DACH1: variants seen among roughly 807,000 people sequenced by gnomAD.
DACH1 encodes dachshund family transcription factor 1.
A neutral mutation model predicts 54.2 loss-of-function variants in DACH1; 12 were observed. That is an observed-to-expected ratio of 0.22 (90% CI 0.14 to 0.36). DACH1 has a LOEUF of 0.36. DACH1 is among the 10% of genes least tolerant of loss of function. The pLI, the probability that DACH1 is intolerant of heterozygous loss-of-function variation, is 1.00. For missense variants in DACH1, 805 were observed against 929.8 expected (o/e 0.87, Z 1.75); for synonymous variants, 386 against 366.2 (o/e 1.05, Z -0.62).
In DACH1 at chr13:71,523,916, TTA is replaced by T. The variant is rs747951806; in HGVS notation, c.1570+33106_1570+33107del. ...TTTTACCATATGCAGTATGTGAAAA[TTA>T]TATGTTACCACAGTGCATGTCAAAT... is the stretch of plus-strand genomic sequence containing the variant. On this transcript the variant is annotated intron_variant, in intron 6 of 10. Transcript: ENST00000613252. Among the ~76,000 whole-genome samples the T allele has an allele frequency of 6.6e-5, 10 of 152,256 alleles. No individual in the cohort carries two copies. In the South Asian group the frequency reaches 8.3e-4, roughly 13 times the overall value.
intron 1 of DACH1, among the ~76,000 whole-genome samples, chr13:71,817,095 G>A (rs772378950): frequency 2.6e-5 from 4 of 151,932 alleles, no homozygotes; most frequent in African/African-American, 7.3e-5. Context: ...GGAAGCATAC[G>A]TCTACAAAAA....
At chr13:71,752,727 AATTC>A (rs1884983110) in intron 1 of DACH1, among the ~76,000 whole-genome samples, 1 of 152,214 alleles carries the variant, frequency 6.6e-6, no homozygotes, top group African/African-American at 2.4e-5. Flanking sequence ...AAACAAAAAT[AATTC>A]ATTCAAACTC....
intron 10 of DACH1, among the ~76,000 whole-genome samples, chr13:71,470,597 G>T (rs1876988648): frequency 6.6e-6 from 1 of 152,084 alleles, no homozygotes; most frequent in South Asian, 2.1e-4. Flanking sequence ...AAAGTGCTGG[G>T]ATTACAGTTG....
chr13:71,771,315 GGATAAATA>G (rs1274798153), intron 1 of DACH1, among the ~76,000 whole-genome samples: 1,567 of 140,918 alleles, frequency 0.011, 12 homozygotes, highest in East Asian at 0.029. Flanking sequence ...AGAAGCAAAA[GGATAAATA>G]AATAAATAAA....
At chr13:71,839,498 T>C (rs1193581329) in intron 1 of DACH1, among the ~76,000 whole-genome samples, 1 of 152,052 alleles carries the variant, frequency 6.6e-6, no homozygotes, top group Non-Finnish European at 1.5e-5. Context: ...TCCCAGCTAC[T>C]CGGGAGGTTG....
intron 2 of DACH1, among the ~76,000 whole-genome samples, chr13:71,672,430 T>C (rs1566422341): frequency 6.6e-6 from 1 of 152,096 alleles, no homozygotes; most frequent in Non-Finnish European, 1.5e-5. Context: ...TTTACATCTT[T>C]ACAAAGGACA....
intron 1 of DACH1, among the ~76,000 whole-genome samples, chr13:71,731,872 AG>A (rs1311413835): frequency 6.6e-6 from 1 of 152,192 alleles, no homozygotes; most frequent in East Asian, 1.9e-4. Context: ...TATAGTTCCA[AG>A]GGTTCTTCTG....
intron 2 of DACH1, among the ~76,000 whole-genome samples, chr13:71,631,258 C>A (rs959866966): frequency 6.6e-6 from 1 of 152,186 alleles, no homozygotes; most frequent in African/African-American, 2.4e-5. Context: ...TGCCCTATGA[C>A]AAACATTTCC....
intron 1 of DACH1, among the ~76,000 whole-genome samples, chr13:71,768,497 A>G (rs536860401): frequency 6.6e-6 from 1 of 151,956 alleles, no homozygotes; most frequent in South Asian, 2.1e-4. Context: ...AACAAATGTG[A>G]CTGGAAAAAA....
At chr13:71,707,535 G>A (rs1296780339) in intron 1 of DACH1, among the ~76,000 whole-genome samples, 1 of 152,072 alleles carries the variant, frequency 6.6e-6, no homozygotes, top group Admixed American at 6.6e-5. Flanking sequence ...AGTAAGGAGA[G>A]GCAAATAATC....
chr13:71,560,005 G>T, intron 4 of DACH1, 50 bp from the exon 5 acceptor site: 2 of 1,427,858 alleles, frequency 1.4e-6, no homozygotes, highest in South Asian at 3.1e-5. Context: ...TAAATACAAC[G>T]GATCTTTACT....
At chr13:71,835,666 C>T (rs1295165496) in intron 1 of DACH1, among the ~76,000 whole-genome samples, 1 of 151,978 alleles carries the variant, frequency 6.6e-6, no homozygotes, top group Non-Finnish European at 1.5e-5. Flanking sequence ...CCTATTGTCC[C>T]AACAGAATTA....
chr13:71,556,469 A>G (rs1884257802), intron 6 of DACH1, among the ~76,000 whole-genome samples: 1 of 152,148 alleles, frequency 6.6e-6, no homozygotes. Context: ...AAGGCATGAA[A>G]ATACACATTT....
intron 1 of DACH1, among the ~76,000 whole-genome samples, chr13:71,763,512 T>G (rs1885487205): frequency 6.7e-6 from 1 of 148,994 alleles, no homozygotes; most frequent in Non-Finnish European, 1.5e-5. Context: ...ATGTGTTTAA[T>G]ATCTTATCAA....
chr13:71,616,011 A>G (rs1254818626), intron 3 of DACH1, among the ~76,000 whole-genome samples: 1 of 152,198 alleles, frequency 6.6e-6, no homozygotes, highest in African/African-American at 2.4e-5. Context: ...GGAAACTGAG[A>G]TTCATAGAGG....
Position 71,726,789 on chromosome 13 carries a change from TTATC to T in DACH1, c.849-44883_849-44880del, listed in dbSNP as rs570559612. Among the ~76,000 whole-genome samples, 215 of 152,178 alleles carry T rather than the reference TTATC, an allele frequency of 1.4e-3. 1 individual carries two copies. The highest frequency in any genetic ancestry group is 2.6e-3 in the Non-Finnish European group (176 of 67,942). ...TAATTATATTTGATACTTTAAATGTTTATCTATCTAATATATCTCTTATTAAACA... is the reference window on the plus strand; with the variant it reads ...TAATTATATTTGATACTTTAAATGTTTATCTAATATATCTCTTATTAAACA... On this transcript the variant is annotated intron_variant, in intron 1 of 10. Transcript: ENST00000613252.
intron 1 of DACH1, among the ~76,000 whole-genome samples, chr13:71,743,742 GA>G (rs1594166113): frequency 6.6e-6 from 1 of 151,820 alleles, no homozygotes; most frequent in African/African-American, 2.4e-5. Context: ...ATGAATGTTT[GA>G]AAAAAAGTTT....
chr13:71,496,314 C>CACAA (rs1398326897), intron 6 of DACH1, among the ~76,000 whole-genome samples: 5 of 114,074 alleles, frequency 4.4e-5, no homozygotes, highest in African/African-American at 1.7e-4. Context: ...TATACACACA[C>CACAA]AAAAAGATAT....
chr13:71,580,506 A>C (rs1872755735), intron 3 of DACH1, among the ~76,000 whole-genome samples: 1 of 152,158 alleles, frequency 6.6e-6, no homozygotes, highest in Non-Finnish European at 1.5e-5. Context: ...TGGCAAGGTG[A>C]AATAAGTTTT....
Sources: allele counts gnomAD v4.1 joint callset (sites outside exome capture counted in the v4.1 genomes callset), GRCh38; gene constraint gnomAD v4.1.1; transcripts MANE v1.5; gene names NCBI Gene and HGNC (gene_info 2026-07-23, HGNC 2026-07-21).